Variants in NLGN1 observed in about 807,000 individuals in gnomAD.
The protein encoded by NLGN1 is neuroligin-1.
NLGN1 carries 12 observed loss-of-function variants against 65.5 expected under a neutral mutation model. The observed-to-expected ratio is 0.18, with a 90% CI of 0.12 to 0.30. The LOEUF is 0.30. Ranked by LOEUF, NLGN1 falls within the 10% of genes least tolerant of loss-of-function variation. NLGN1 has a pLI of 1.00. For synonymous variants in NLGN1, 350 were observed against 359.5 expected (o/e 0.97, Z 0.30); for missense variants, 750 against 1,007.1 (o/e 0.74, Z 3.46).
At chr3:173,677,660 T>C (rs975221726) in intron 3 of NLGN1, among the ~76,000 whole-genome samples, 4 of 152,038 alleles carry the variant, frequency 2.6e-5, no homozygotes, top group African/African-American at 9.7e-5. Flanking sequence ...TTAAAAAACA[T>C]TGTAAATGCA....
At chr3:173,437,201 G>C (rs894893933) in intron 2 of NLGN1, among the ~76,000 whole-genome samples, 1 of 152,208 alleles carries the variant, frequency 6.6e-6, no homozygotes, top group Non-Finnish European at 1.5e-5. Flanking sequence ...TAATTTGACT[G>C]TTGCTTCCTC....
At chr3:173,495,178 A>C (rs1432395034) in intron 2 of NLGN1, among the ~76,000 whole-genome samples, 2 of 151,766 alleles carry the variant, frequency 1.3e-5, no homozygotes, top group Non-Finnish European at 2.9e-5. Context: ...CAATGCTTTT[A>C]TCATTTTCAG....
intron 2 of NLGN1, chr3:173,584,529 A>G (rs1746995344): frequency 6.7e-6 from 1 of 150,234 alleles, no homozygotes; most frequent in Non-Finnish European, 1.5e-5. Flanking sequence ...GGGTTATGAA[A>G]TTGTTCTTCT....
At chr3:173,882,755 T>C (rs1227776459) in intron 4 of NLGN1, among the ~76,000 whole-genome samples, 1 of 152,258 alleles carries the variant, frequency 6.6e-6, no homozygotes, top group Non-Finnish European at 1.5e-5. Context: ...TTACTGATAA[T>C]TTGTGTGCTT....
At chr3:174,051,769 T>C (rs921469128) in intron 4 of NLGN1, among the ~76,000 whole-genome samples, 2 of 152,076 alleles carry the variant, frequency 1.3e-5, no homozygotes, top group East Asian at 1.9e-4. Flanking sequence ...TGTGGAATTA[T>C]GTTCTGTGCC....
chr3:173,951,761 G>A (rs10154973), intron 4 of NLGN1, among the ~76,000 whole-genome samples: 38,960 of 151,850 alleles, frequency 0.26, 5,315 homozygotes, highest in East Asian at 0.34. Flanking sequence ...GCGCCAGGCC[G>A]AGACCAGGTA....
intron 2 of NLGN1, among the ~76,000 whole-genome samples, chr3:173,502,932 A>T (rs1418957643): frequency 1.3e-5 from 2 of 152,106 alleles, no homozygotes; most frequent in Non-Finnish European, 2.9e-5. Flanking sequence ...TAGTTACATA[A>T]ACTAAAGTTG....
At chr3:173,713,974 G>A (rs1052540255) in intron 3 of NLGN1, among the ~76,000 whole-genome samples, 7 of 152,024 alleles carry the variant, frequency 4.6e-5, no homozygotes, top group Non-Finnish European at 4.4e-5. Flanking sequence ...ATAGCTCAAG[G>A]ATACTAAGAA....
chr3:173,667,239 G>GCGCACACACACACA (rs150296232), intron 3 of NLGN1, among the ~76,000 whole-genome samples: 1 of 147,328 alleles, frequency 6.8e-6, no homozygotes, highest in African/African-American at 2.5e-5. Context: ...ACACGCATAT[G>GCGCACACACACACA]CACACACACA....
At chr3:173,537,310 A>G (rs1220694320) in intron 2 of NLGN1, among the ~76,000 whole-genome samples, 1 of 152,194 alleles carries the variant, frequency 6.6e-6, no homozygotes, top group Admixed American at 6.5e-5. Context: ...ACTATTATAC[A>G]AGTCTCCTGC....
intron 4 of NLGN1, among the ~76,000 whole-genome samples, chr3:173,979,903 T>G (rs1718376233): frequency 6.6e-6 from 1 of 152,056 alleles, no homozygotes; most frequent in Non-Finnish European, 1.5e-5. Flanking sequence ...TGTGGTAAAA[T>G]TTTCCATCTG....
At chr3:174,171,093 C>A (rs1561210822) in intron 4 of NLGN1, among the ~76,000 whole-genome samples, 2 of 152,050 alleles carry the variant, frequency 1.3e-5, no homozygotes, top group Non-Finnish European at 2.9e-5. Context: ...ATTAATAGAC[C>A]TTTAAGTTCA....
At chr3:173,513,194 T>A (rs1733265398) in intron 2 of NLGN1, among the ~76,000 whole-genome samples, 1 of 151,008 alleles carries the variant, frequency 6.6e-6, no homozygotes, top group South Asian at 2.1e-4. Flanking sequence ...TTGAAATGGC[T>A]ACAATTCCCC....
intron 1 of NLGN1, among the ~76,000 whole-genome samples, chr3:173,415,048 C>T (rs1235764730): frequency 2.6e-5 from 4 of 152,208 alleles, no homozygotes; most frequent in African/African-American, 9.6e-5. Flanking sequence ...CCAAACTTCT[C>T]CTTGGTCTTT....
At chr3:174,129,137 T>C (rs1376200107) in intron 4 of NLGN1, among the ~76,000 whole-genome samples, 1 of 152,094 alleles carries the variant, frequency 6.6e-6, no homozygotes, top group Admixed American at 6.6e-5. Context: ...GTCTTGCCAC[T>C]CCTTACCAAA....
At chr3:173,446,663 C>G (rs1377209759) in intron 2 of NLGN1, among the ~76,000 whole-genome samples, 1 of 152,160 alleles carries the variant, frequency 6.6e-6, no homozygotes, top group Non-Finnish European at 1.5e-5. Context: ...AATGGTTGAA[C>G]TAGTTTACAG....
intron 4 of NLGN1, among the ~76,000 whole-genome samples, chr3:173,891,155 T>C (rs1173819931): frequency 1.3e-5 from 2 of 152,180 alleles, no homozygotes; most frequent in Non-Finnish European, 2.9e-5. Flanking sequence ...AGAGATGTCA[T>C]ACAGGTTGAC....
chr3:173,840,511 G>A (rs1327864761), intron 4 of NLGN1, among the ~76,000 whole-genome samples: 1 of 152,130 alleles, frequency 6.6e-6, no homozygotes, highest in Non-Finnish European at 1.5e-5. Flanking sequence ...AATTCTTAGA[G>A]TGGGTTGACA....
chr3:173,717,346 A>G (rs1384430976), intron 3 of NLGN1, among the ~76,000 whole-genome samples: 1 of 152,214 alleles, frequency 6.6e-6, no homozygotes, highest in Non-Finnish European at 1.5e-5. Flanking sequence ...AGGAAGGTAC[A>G]TTGACTTGGT....
Sources: allele counts gnomAD v4.1 joint callset (sites outside exome capture counted in the v4.1 genomes callset), GRCh38; gene constraint gnomAD v4.1.1; transcripts MANE v1.5; gene names NCBI Gene and HGNC (gene_info 2026-07-23, HGNC 2026-07-21).